Variants in NPY1R observed in about 807,000 individuals in gnomAD.
The protein encoded by NPY1R is neuropeptide Y receptor type 1.
NPY1R carries 10 observed loss-of-function variants against 24.1 expected under a neutral mutation model. The observed-to-expected ratio is 0.42, with a 90% CI of 0.26 to 0.71. NPY1R has a LOEUF of 0.71. Among genes scored for constraint, NPY1R ranks in the 30% least tolerant of loss-of-function variants. The probability of loss-of-function intolerance (pLI) is 0.28; values close to 1 mark genes in which losing one functional copy is unlikely to be tolerated. For missense variants in NPY1R, 350 were observed against 458.0 expected (o/e 0.76, Z 2.15); for synonymous variants, 168 against 165.9 (o/e 1.01, Z -0.10).
intron 1 of NPY1R, among the ~76,000 whole-genome samples, chr4:163,339,976 T>G (rs1340016780): frequency 6.6e-6 from 1 of 152,128 alleles, no homozygotes; most frequent in African/African-American, 2.4e-5. Context: ...AAAAGGCATA[T>G]CATTCAACTT....
upstream of NPY1R, among the ~76,000 whole-genome samples, chr4:163,334,439 G>C (rs1262312987): frequency 6.6e-6 from 1 of 152,156 alleles, no homozygotes; most frequent in Non-Finnish European, 1.5e-5. Context: ...TTTATGAAGT[G>C]TTCTCCCTAA....
At chr4:163,342,479 C>T (rs1292347721) in intron 1 of NPY1R, among the ~76,000 whole-genome samples, 1 of 152,194 alleles carries the variant, frequency 6.6e-6, no homozygotes, top group East Asian at 1.9e-4. Context: ...ACACTTTCAT[C>T]CCCTACTCCT....
chr4:163,328,749 C>T (rs1040148251), intron 1 of NPY1R, among the ~76,000 whole-genome samples: 5 of 152,228 alleles, frequency 3.3e-5, no homozygotes, highest in African/African-American at 9.6e-5. Flanking sequence ...GCGTCTCCAC[C>T]TCCGCCATTC....
chr4:163,331,338 T>A (rs1232361684), intron 1 of NPY1R, among the ~76,000 whole-genome samples: 1 of 151,868 alleles, frequency 6.6e-6, no homozygotes, highest in Non-Finnish European at 1.5e-5. Flanking sequence ...CTCCCCTAGG[T>A]TTTTCCTGTG....
intron 1 of NPY1R, among the ~76,000 whole-genome samples, chr4:163,342,346 G>A (rs1366765117): frequency 1.3e-5 from 2 of 152,188 alleles, no homozygotes; most frequent in Non-Finnish European, 2.9e-5. Flanking sequence ...TACATGTTAT[G>A]ACTGTGCAAG....
chr4:163,335,347 T>C (rs1468798669), upstream of NPY1R, among the ~76,000 whole-genome samples: 1 of 152,216 alleles, frequency 6.6e-6, no homozygotes, highest in Non-Finnish European at 1.5e-5. Flanking sequence ...TCATTAAATT[T>C]CTGTAAATCT....
At chr4:163,333,194 GT>G (rs1484268203), upstream of NPY1R, among the ~76,000 whole-genome samples, 2 of 151,616 alleles carry the variant, frequency 1.3e-5, no homozygotes, top group African/African-American at 4.8e-5. Context: ...AGTCAGATTT[GT>G]TCCCAGCGCT....
chr4:163,325,891 CA>C lies in NPY1R; in HGVS notation c.663del (p.Phe221LeufsTer18). 6.2e-7 allele frequency: 1 copy of C among 1,613,744 alleles called. No homozygotes were observed. The highest frequency in any genetic ancestry group is 8.5e-7 in the Non-Finnish European group (1 of 1,179,872). On this transcript the variant is annotated frameshift_variant, in exon 2 of 3. Transcript: ENST00000296533. LOFTEE classifies it high-confidence loss of function. The part of the protein sequence containing the change: ...YTTLLLVLQY[F>X]GPLCFIFICY... ...CAAATAAATATAAAACAAAGTGGAC[CA>C]AAATACTGCAGCACCAAGAGGAGAG...
chr4:163,330,919 C>T (rs563892845), intron 1 of NPY1R: 1 of 152,378 alleles, frequency 6.6e-6, no homozygotes, highest in Admixed American at 6.5e-5. Flanking sequence ...AGCCTTGTTA[C>T]ATACAGCCTC....
In NPY1R at chr4:163,325,049, T is replaced by C; in HGVS notation, c.*254A>G. The C allele has an allele frequency of 2.3e-6, 1 of 438,032 alleles. No homozygotes were observed. The allele number at this position is 438,032 out of a possible 1,614,324, so 27.1% of individuals were successfully genotyped here. On this transcript the variant is annotated 3_prime_UTR_variant, in exon 3 of 3. Transcript: ENST00000296533. ...ACAGTATAAAAGTCTTTATATTATATGCATAAATTCACAAAAAGCACTTCA... is the reference window on the plus strand; with the variant it reads ...ACAGTATAAAAGTCTTTATATTATACGCATAAATTCACAAAAAGCACTTCA...
chr4:163,342,068 T>C (rs1272674179), intron 1 of NPY1R, among the ~76,000 whole-genome samples: 1 of 152,182 alleles, frequency 6.6e-6, no homozygotes, highest in East Asian at 1.9e-4. Flanking sequence ...GACTTGCTTG[T>C]TTGTGGGTGC....
rs1291584295 is a variant in NPY1R at position 163,326,601 on chromosome 4, A to G, written c.-47T>C. Reference sequence around the variant, plus strand: ...AGATTATTTTAGACAAATGGACAGTATGTTTCTTCAAAGCAGGTCAACTGT... The same window carrying G: ...AGATTATTTTAGACAAATGGACAGTGTGTTTCTTCAAAGCAGGTCAACTGT... On this transcript the variant is annotated 5_prime_UTR_variant, in exon 2 of 3. Transcript: ENST00000296533. 1 of 1,205,350 alleles carries G rather than the reference A, an allele frequency of 8.3e-7. No individual in the cohort carries two copies. Among genetic ancestry groups the G allele is most frequent in the East Asian group, 2.3e-5 (1 of 42,810 alleles). 74.7% of individuals were successfully genotyped at this position (1,205,350 alleles called of 1,614,324 possible).
intron 1 of NPY1R, among the ~76,000 whole-genome samples, chr4:163,329,958 C>G (rs150777358): frequency 3.3e-5 from 5 of 151,976 alleles, no homozygotes; most frequent in African/African-American, 9.7e-5. Flanking sequence ...TCTGGAGAGT[C>G]TTTGGCAAAG....
In NPY1R at chr4:163,326,375, G is replaced by A. The variant is rs766977446; in HGVS notation, c.180C>T (p.Ala60=). The change falls in exon 2 of 3, where the codon GCC becomes GCT. Residue 60 remains alanine, a synonymous_variant. Transcript: ENST00000296533. ...TTTGTTTCAAGATGATTATGATCAAGGCCAGGTTTCCAGAGACACCAAGAA... is the reference window on the plus strand; with the variant it reads ...TTTGTTTCAAGATGATTATGATCAAAGCCAGGTTTCCAGAGACACCAAGAA... ...VIILGVSGNL[A]LIIIILKQKE... is the part of the protein sequence containing the mutation. 6.2e-7 allele frequency: 1 copy of A among 1,614,096 alleles called. No homozygotes were observed. The highest frequency in any genetic ancestry group is 8.5e-7 in the Non-Finnish European group (1 of 1,179,954).
At chr4:163,334,589 C>T (rs1472228693), upstream of NPY1R, among the ~76,000 whole-genome samples, 4 of 152,120 alleles carry the variant, frequency 2.6e-5, no homozygotes, top group East Asian at 1.9e-4. Context: ...TGGCTGGGGG[C>T]GGTGGCTCAC....
At chr4:163,331,757 T>C (rs553880451) in intron 1 of NPY1R, among the ~76,000 whole-genome samples, 1 of 152,360 alleles carries the variant, frequency 6.6e-6, no homozygotes, top group Admixed American at 6.5e-5. Flanking sequence ...CGTTCCATCA[T>C]TACTTTTCTA....
chr4:163,341,541 A>T lies in NPY1R; in HGVS notation c.-152+2764T>A, dbSNP rs535965281. On this transcript the variant is annotated intron_variant, in intron 1 of 1. Transcript: ENST00000511901. ...TTCCTCAGCAAAATACTACCCCAGGAATTGTTGGGTGACTGTTTTATCGTT... is the reference window on the plus strand; with the variant it reads ...TTCCTCAGCAAAATACTACCCCAGGTATTGTTGGGTGACTGTTTTATCGTT... 3.9e-5 allele frequency among the ~76,000 whole-genome samples: 6 copies of T among 152,266 alleles called. No individual in the cohort carries two copies. In the East Asian group the frequency reaches 1.2e-3, roughly 29 times the overall value.
At chr4:163,326,821 T>C in intron 1 of NPY1R, 116 bp from the exon 2 acceptor site, 1 of 300,838 alleles carries the variant, frequency 3.3e-6, no homozygotes, top group Non-Finnish European at 6.1e-6. Flanking sequence ...CAAAATGTAA[T>C]CTTGTAAACA....
rs1353325068 is a variant in NPY1R at position 163,326,511 on chromosome 4, T to C, written c.44A>G (p.His15Arg). ...GGCATTCTTCTCTGAGAAATTAGAG[T>C]GGACTGAATGATTTTCAACCTGGGA... ...LFSQVENHSV[H>R]SNFSEKNAQL... is the part of the protein sequence containing the mutation. The change falls in exon 2 of 3, where the codon CAC becomes CGC. Residue 15 changes from histidine to arginine, a missense_variant. By Grantham distance (29) the His-to-Arg change is conservative. Coordinates refer to ENST00000296533, the MANE Select transcript of NPY1R (RefSeq NM_000909.6). The C allele has an allele frequency of 6.2e-7, 1 of 1,606,900 alleles. No homozygotes were observed. Among genetic ancestry groups the C allele is most frequent in the Admixed American group, 1.7e-5 (1 of 58,162 alleles).
Sources: allele counts gnomAD v4.1 joint callset (sites outside exome capture counted in the v4.1 genomes callset), GRCh38; gene constraint gnomAD v4.1.1; transcripts MANE v1.5; gene names NCBI Gene and HGNC (gene_info 2026-07-23, HGNC 2026-07-21).